The following EDDM13 variants were observed in gnomAD, a reference collection of about 807,000 sequenced individuals.
The protein encoded by EDDM13 is epididymal protein 13.
Under a neutral mutation model 17.8 loss-of-function variants are expected in EDDM13, and 24 were observed. The observed-to-expected ratio is 1.35, with a 90% CI of 0.98 to 1.90. The LOEUF is 1.90. Among genes scored for constraint, EDDM13 ranks in the 40% most tolerant of loss-of-function variants. The probability of loss-of-function intolerance (pLI) is 0.00; values close to 1 mark genes in which losing one functional copy is unlikely to be tolerated. For missense variants in EDDM13, 97 were observed against 100.8 expected, an observed-to-expected ratio of 0.96 and a Z score of 0.16; for synonymous variants, 31 against 37.5, an observed-to-expected ratio of 0.83 and a Z score of 0.63.
chr19:56,281,151 AT>A (rs1204220381), intron 2 of EDDM13, among the ~76,000 whole-genome samples: 1 of 152,162 alleles, frequency 6.6e-6, no homozygotes, highest in African/African-American at 2.4e-5. Context: ...AAGAGAAAAT[AT>A]GTTTACTCTT....
chr19:56,285,770 C>T (rs746493530), intron 6 of EDDM13, among the ~76,000 whole-genome samples: 21 of 151,858 alleles, frequency 1.4e-4, no homozygotes, highest in Admixed American at 4.6e-4. Context: ...TGAGCCATCA[C>T]GCCCAGCCCA....
chr19:56,284,901 A>C, intron 5 of EDDM13, 97 bp from the exon 6 acceptor site: 32 of 498,158 alleles, frequency 6.4e-5, no homozygotes, highest in East Asian at 1.5e-4. Context: ...TTCCTGAAGA[A>C]GAGTTTGTTA....
At chr19:56,309,892 TA>T (rs763681011) in intron 14 of EDDM13, among the ~76,000 whole-genome samples, 47 of 151,996 alleles carry the variant, frequency 3.1e-4, no homozygotes, top group Non-Finnish European at 5.3e-4. Context: ...CTAGGGTCCA[TA>T]AGATCTGAGG....
At chr19:56,309,903 G>A (rs1050654189) in intron 14 of EDDM13, among the ~76,000 whole-genome samples, 2 of 152,140 alleles carry the variant, frequency 1.3e-5, no homozygotes, top group Non-Finnish European at 2.9e-5. Flanking sequence ...AAGATCTGAG[G>A]GAAGCGTGTT....
chr19:56,281,894 G>A (rs1381272797), intron 3 of EDDM13, among the ~76,000 whole-genome samples, 196 bp downstream of exon 3: 1 of 152,190 alleles, frequency 6.6e-6, no homozygotes, highest in Non-Finnish European at 1.5e-5. Flanking sequence ...GCAACTGGAT[G>A]GACTTTGAGG....
intron 9 of EDDM13, among the ~76,000 whole-genome samples, chr19:56,292,686 C>CA (rs1010303324): frequency 2.0e-5 from 3 of 150,524 alleles, no homozygotes; most frequent in Non-Finnish European, 3.0e-5. Context: ...ACTGCCCCAC[C>CA]AAAAAAAAAG....
intron 1 of EDDM13, among the ~76,000 whole-genome samples, chr19:56,275,115 C>T (rs144776133): frequency 7.1e-4 from 108 of 152,272 alleles, no homozygotes; most frequent in African/African-American, 2.4e-3. Context: ...TTTAGTCCCT[C>T]GGCTAAGGTG....
intron 14 of EDDM13, among the ~76,000 whole-genome samples, chr19:56,307,585 G>A (rs1032782989): frequency 2.0e-5 from 3 of 152,172 alleles, no homozygotes; most frequent in East Asian, 1.9e-4. Flanking sequence ...CTTTTACCCC[G>A]TATCTTGCAG....
chr19:56,295,263 T>A (rs2039790617), intron 9 of EDDM13: 2 of 152,028 alleles, frequency 1.3e-5, no homozygotes, highest in Admixed American at 1.3e-4. Context: ...CACCCCTGGA[T>A]GAGTATGTAG....
At chr19:56,305,084 A>G (rs961529958) in intron 14 of EDDM13, among the ~76,000 whole-genome samples, 1 of 152,182 alleles carries the variant, frequency 6.6e-6, no homozygotes, top group Non-Finnish European at 1.5e-5. Flanking sequence ...AATTCACTCT[A>G]TAATTTTTTC....
At chr19:56,281,089 C>G (rs1308832388) in intron 2 of EDDM13, among the ~76,000 whole-genome samples, 1 of 152,154 alleles carries the variant, frequency 6.6e-6, no homozygotes, top group Admixed American at 6.5e-5. Context: ...ACATATATTA[C>G]ATGCTGATTC....
chr19:56,308,248 G>A (rs113129897), intron 14 of EDDM13, among the ~76,000 whole-genome samples: 1,569 of 152,090 alleles, frequency 0.01, 31 homozygotes, highest in African/African-American at 0.035. Flanking sequence ...TGGCCAGGAT[G>A]GTCTCGATCT....
intron 3 of EDDM13, among the ~76,000 whole-genome samples, 186 bp downstream of exon 3, chr19:56,281,884 G>GC (rs951810230): frequency 1.4e-4 from 21 of 152,206 alleles, no homozygotes; most frequent in Non-Finnish European, 2.2e-4. Flanking sequence ...TGGGAACGGT[G>GC]CAACTGGATG....
At chr19:56,284,916 T>C (rs1156363904) in intron 5 of EDDM13, 82 bp from the exon 6 acceptor site, 3 of 671,988 alleles carry the variant, frequency 4.5e-6, no homozygotes, top group East Asian at 1.4e-4. Context: ...TTGTTACATC[T>C]GTTGAACTGG....
At chr19:56,302,581 CCCTTTTCTTCCTCT>C (rs2040382159) in intron 13 of EDDM13, among the ~76,000 whole-genome samples, 1 of 39,990 alleles carries the variant, frequency 2.5e-5, no homozygotes, top group Non-Finnish European at 4.1e-5. Context: ...TTCTTCCTCC[CCCTTTTCTTCCTCT>C]CCCTCTTCTT....
intron 9 of EDDM13, among the ~76,000 whole-genome samples, chr19:56,292,537 C>G (rs1489404113): frequency 6.6e-6 from 1 of 151,530 alleles, no homozygotes; most frequent in African/African-American, 2.4e-5. Context: ...ATCCTCCTAC[C>G]TCAGCCTCCC....
intron 13 of EDDM13, chr19:56,302,729 C>A: frequency 2.8e-6 from 1 of 354,374 alleles, no homozygotes. Context: ...CCTCCCACCT[C>A]TAGACTGGGA....
intron 8 of EDDM13, among the ~76,000 whole-genome samples, 28 bp from the exon 9 acceptor site, chr19:56,290,813 C>A (rs929590368): frequency 6.6e-6 from 1 of 152,208 alleles, no homozygotes; most frequent in Admixed American, 6.5e-5. Context: ...ACTGACTCCC[C>A]GAATGCTGGT....
At chr19:56,281,543 A>G in intron 2 of EDDM13, 150 bp from the exon 3 acceptor site, 1 of 253,364 alleles carries the variant, frequency 3.9e-6, no homozygotes, top group Non-Finnish European at 6.2e-6. Context: ...ATCGCACTCC[A>G]TATAACAACA....
Sources: allele counts gnomAD v4.1 joint callset (sites outside exome capture counted in the v4.1 genomes callset), GRCh38; gene constraint gnomAD v4.1.1; transcripts MANE v1.5; gene names NCBI Gene and HGNC (gene_info 2026-07-23, HGNC 2026-07-21).